Variants in MCPH1 observed in about 807,000 individuals in gnomAD.
MCPH1 encodes the protein microcephalin.
In MCPH1, 104 loss-of-function variants were observed where a neutral mutation model predicts 84.5. That is an observed-to-expected ratio of 1.23 (90% CI 1.05 to 1.45). MCPH1 has a LOEUF of 1.45. Among genes scored for constraint, MCPH1 ranks in the 40% most tolerant of loss-of-function variants. The pLI is 0.00. For missense variants in MCPH1, 1,498 were observed against 1,005.7 expected, an observed-to-expected ratio of 1.49 and a Z score of -6.62; for synonymous variants, 514 against 366.8, an observed-to-expected ratio of 1.40 and a Z score of -4.58.
intron 12 of MCPH1, among the ~76,000 whole-genome samples, chr8:6,590,408 T>C (rs531558023): frequency 7.1e-6 from 1 of 141,186 alleles, no homozygotes; most frequent in African/African-American, 2.6e-5. Context: ...AACCAAAAAC[T>C]ACACCATGAA....
At chr8:6,511,052 C>G (rs891235999) in intron 12 of MCPH1, among the ~76,000 whole-genome samples, 2 of 152,190 alleles carry the variant, frequency 1.3e-5, no homozygotes, top group African/African-American at 4.8e-5. Flanking sequence ...ACTTCCCTTG[C>G]TTATCTTTTA....
intron 3 of MCPH1, among the ~76,000 whole-genome samples, chr8:6,417,978 G>A (rs540771654): frequency 1.6e-3 from 241 of 152,294 alleles, no homozygotes; most frequent in South Asian, 3.7e-3. Flanking sequence ...AAAATGAAAC[G>A]CACACTGTCA....
chr8:6,426,063 C>G (rs373783615), intron 3 of MCPH1, among the ~76,000 whole-genome samples: 8 of 152,124 alleles, frequency 5.3e-5, no homozygotes, highest in African/African-American at 1.7e-4. Context: ...TAAAAAGAAG[C>G]ACAGTTAAAA....
At chr8:6,406,831 C>T (rs1293255392) in intron 1 of MCPH1, 142 bp downstream of exon 1, 4 of 758,878 alleles carry the variant, frequency 5.3e-6, no homozygotes, top group Admixed American at 2.1e-5. Flanking sequence ...CCCCTGCCGC[C>T]TCCTTCCTCC....
At chr8:6,500,209 A>T in intron 12 of MCPH1, 1 of 421,502 alleles carries the variant, frequency 2.4e-6, no homozygotes, top group Non-Finnish European at 4.4e-6. Flanking sequence ...AAAAGACTGA[A>T]TTCTTGGGCA....
At chr8:6,549,541 T>G (rs184812113) in intron 12 of MCPH1, among the ~76,000 whole-genome samples, 77 of 118,470 alleles carry the variant, frequency 6.5e-4, no homozygotes, top group African/African-American at 1.2e-3. Flanking sequence ...GGTGCGCACA[T>G]ATATGGATGA....
chr8:6,477,419 A>C (rs868224884), intron 9 of MCPH1, 175 bp from the exon 10 acceptor site: 20 of 564,490 alleles, frequency 3.5e-5, no homozygotes, highest in East Asian at 1.6e-4. Context: ...CTGAGTTTCT[A>C]TCTCTTGGCC....
chr8:6,605,311 G>C (rs17631536), intron 12 of MCPH1, among the ~76,000 whole-genome samples: 3 of 152,124 alleles, frequency 2.0e-5, no homozygotes, highest in Non-Finnish European at 1.5e-5. Context: ...ACTCCTGTTC[G>C]CTTGGGACTC....
intron 12 of MCPH1, among the ~76,000 whole-genome samples, chr8:6,559,448 A>C (rs1245724103): frequency 1.3e-5 from 2 of 152,244 alleles, no homozygotes; most frequent in East Asian, 3.8e-4. Context: ...TTTTAAAGAA[A>C]GAAAAGGATT....
chr8:6,594,627 C>CT (rs1828779941), intron 12 of MCPH1, among the ~76,000 whole-genome samples: 1 of 152,102 alleles, frequency 6.6e-6, no homozygotes, highest in Middle Eastern at 3.2e-3. Flanking sequence ...GCCAACTGGC[C>CT]TTTTTTCTGG....
intron 12 of MCPH1, among the ~76,000 whole-genome samples, chr8:6,592,641 T>TTTTTTTTTTTG (rs1238168977): frequency 1.4e-4 from 15 of 107,500 alleles, no homozygotes; most frequent in South Asian, 3.0e-4. Context: ...TTTTTTTTTT[T>TTTTTTTTTTTG]TTGTTGCTGT....
Position 6,444,497 on chromosome 8 carries a change from A to C in MCPH1, c.775A>C (p.Lys259Gln), listed in dbSNP as rs375695403. Reference sequence around the variant, plus strand: ...GTTGGAAGGATCCATTAATGACATTAAAAGTGATGTGTGTATTTCTTCACT... The same window carrying C: ...GTTGGAAGGATCCATTAATGACATTCAAAGTGATGTGTGTATTTCTTCACT... ...RKLEGSINDI[K>Q]SDVCISSLVL... Residue 259 changes from lysine (K) to glutamine (Q), a missense_variant, in exon 8 of 14, where the codon AAA (lysine) becomes CAA (glutamine). Physicochemically the swap from Lys to Gln is moderately conservative, Grantham distance 53. Coordinates refer to ENST00000344683, the MANE Select transcript of MCPH1 (RefSeq NM_024596.5). The C allele has an allele frequency of 4.2e-5, 68 of 1,614,106 alleles. No homozygotes were observed. The African/African-American group carries it at 7.5e-4, about 18-fold the overall frequency.
intron 13 of MCPH1, among the ~76,000 whole-genome samples, chr8:6,624,088 G>A (rs763149292): frequency 7.2e-5 from 11 of 152,138 alleles, no homozygotes; most frequent in Non-Finnish European, 1.3e-4. Context: ...ACGCTTGCTC[G>A]GCAGCTGCTC....
At chr8:6,566,776 T>A (rs1039126184) in intron 12 of MCPH1, among the ~76,000 whole-genome samples, 1 of 135,116 alleles carries the variant, frequency 7.4e-6, no homozygotes, top group Non-Finnish European at 1.6e-5. Flanking sequence ...GGCATGACCA[T>A]CGACAGTGCT....
chr8:6,410,190 G>A (rs761577488), intron 2 of MCPH1, among the ~76,000 whole-genome samples: 33 of 151,768 alleles, frequency 2.2e-4, no homozygotes, highest in Middle Eastern at 6.8e-3. Flanking sequence ...TGGCCAGGAT[G>A]GTCTCAATCT....
intron 9 of MCPH1, chr8:6,474,316 G>A: frequency 2.1e-6 from 1 of 467,852 alleles, no homozygotes; most frequent in Non-Finnish European, 3.9e-6. Context: ...TCCAACCTCT[G>A]GTGTACCTGG....
At chr8:6,579,514 T>A (rs900636259) in intron 12 of MCPH1, among the ~76,000 whole-genome samples, 1 of 152,210 alleles carries the variant, frequency 6.6e-6, no homozygotes, top group Non-Finnish European at 1.5e-5. Flanking sequence ...TCTGGGGCGT[T>A]CTAATGAAAA....
intron 12 of MCPH1, among the ~76,000 whole-genome samples, chr8:6,620,565 G>A (rs534083996): frequency 1.3e-5 from 2 of 152,078 alleles, no homozygotes; most frequent in South Asian, 2.1e-4. Flanking sequence ...TCCCTTCCCC[G>A]AAATACATCC....
In MCPH1 at chr8:6,644,669, T is replaced by G. The variant is rs556659650; in HGVS notation, c.*1620T>G. The G allele has an allele frequency of 1.3e-5, 2 of 152,308 alleles. No homozygotes were observed. The highest frequency in any genetic ancestry group is 2.9e-5 in the Non-Finnish European group (2 of 68,020). The allele number at this position is 152,308 out of a possible 1,614,324, so 9.4% of individuals were successfully genotyped here. On this transcript the variant is annotated 3_prime_UTR_variant, in exon 14 of 14. Coordinates refer to ENST00000344683, the MANE Select transcript of MCPH1 (RefSeq NM_024596.5). ...TCTACAAGGAGAACCATAAACGAGA[T>G]GCTGAGTCCCAGCGAGGTCGGAGGT...
Sources: allele counts gnomAD v4.1 joint callset (sites outside exome capture counted in the v4.1 genomes callset), GRCh38; gene constraint gnomAD v4.1.1; transcripts MANE v1.5; gene names NCBI Gene and HGNC (gene_info 2026-07-23, HGNC 2026-07-21).